The following ANK3 variants were observed in gnomAD, a reference collection of about 807,000 sequenced individuals.
ANK3 encodes ankyrin-3.
Under a neutral mutation model 370.9 loss-of-function variants are expected in ANK3, and 57 were observed. The ratio of observed to expected loss-of-function variants is 0.15; its 90% CI spans 0.12 to 0.19. The LOEUF (loss-of-function observed/expected upper bound fraction) is 0.19, where lower values mean the gene tolerates loss of function less well. ANK3 is among the 10% of genes least tolerant of loss of function. ANK3 has a pLI of 1.00. For missense variants in ANK3, 4,439 were observed against 5,302.1 expected, an observed-to-expected ratio of 0.84 and a Z score of 5.06; for synonymous variants, 1,929 against 1,946.3, an observed-to-expected ratio of 0.99 and a Z score of 0.23.
intron 25 of ANK3, among the ~76,000 whole-genome samples, chr10:60,129,764 C>T (rs1431536700): frequency 6.6e-6 from 1 of 151,968 alleles, no homozygotes; most frequent in Admixed American, 6.5e-5. Flanking sequence ...CACACACACA[C>T]ACACAAACAC....
intron 43 of ANK3, among the ~76,000 whole-genome samples, chr10:60,039,515 C>T (rs1589117652): frequency 6.6e-6 from 1 of 152,098 alleles, no homozygotes; most frequent in South Asian, 2.1e-4. Flanking sequence ...AAGAAATTTA[C>T]GACAGGTTGC....
chr10:60,045,739 G>C (rs2076842448), intron 42 of ANK3, among the ~76,000 whole-genome samples: 1 of 152,182 alleles, frequency 6.6e-6, no homozygotes, highest in African/African-American at 2.4e-5. Flanking sequence ...TTGTGTTACT[G>C]GCATGGAAAA....
chr10:60,086,625 T>C, intron 30 of ANK3, 52 bp downstream of exon 30: 1 of 1,460,606 alleles, frequency 6.8e-7, no homozygotes, highest in Non-Finnish European at 9.4e-7. Flanking sequence ...AATATATCTT[T>C]GTACACAATC....
At chr10:60,630,503 T>C (rs2078467008) in intron 1 of ANK3, among the ~76,000 whole-genome samples, 1 of 152,140 alleles carries the variant, frequency 6.6e-6, no homozygotes, top group Non-Finnish European at 1.5e-5. Flanking sequence ...CAAAGGCAAT[T>C]AAGAAATGTG....
chr10:60,035,098 CTGT>C (rs1564522829), intron 43 of ANK3, among the ~76,000 whole-genome samples: 2 of 151,948 alleles, frequency 1.3e-5, no homozygotes, highest in African/African-American at 2.4e-5. Flanking sequence ...AATTTTATTA[CTGT>C]TATTATTTTT....
chr10:60,444,444 G>GTA lies in ANK3; in HGVS notation c.97-164807_97-164806dup, dbSNP rs372579717. Among the ~76,000 whole-genome samples, 418 of 148,806 alleles carry GTA rather than the reference G, an allele frequency of 2.8e-3. 2 individuals carry two copies. Among genetic ancestry groups the GTA allele is most frequent in the African/African-American group, 4.9e-3 (200 of 40,542 alleles). Reference sequence around the variant, plus strand: ...ATATAACATACGTGTGTGTGTGTGTGTATATATATATATATATATAAAGAC... The same window carrying GTA: ...ATATAACATACGTGTGTGTGTGTGTGTATATATATATATATATATATAAAGAC... On this transcript the variant is annotated intron_variant, in intron 2 of 43. Transcript: ENST00000373827.
At chr10:60,262,523 T>C (rs566207585) in intron 6 of ANK3, among the ~76,000 whole-genome samples, 14 of 152,324 alleles carry the variant, frequency 9.2e-5, no homozygotes, top group African/African-American at 3.1e-4. Context: ...CACATGTTTT[T>C]GGATTGTTCA....
At chr10:60,677,456 G>T (rs1007654102) in intron 1 of ANK3, among the ~76,000 whole-genome samples, 12 of 151,360 alleles carry the variant, frequency 7.9e-5, no homozygotes, top group African/African-American at 2.7e-4. Flanking sequence ...TATGTCAAAA[G>T]AAAATCTTTG....
At chr10:60,100,909 C>T (rs1050323837) in intron 28 of ANK3, among the ~76,000 whole-genome samples, 1 of 152,144 alleles carries the variant, frequency 6.6e-6, no homozygotes, top group African/African-American at 2.4e-5. Context: ...TTTAAATTTC[C>T]TATAGCCACA....
chr10:60,357,662 A>C (rs1219844888), intron 1 of ANK3, among the ~76,000 whole-genome samples: 1 of 152,196 alleles, frequency 6.6e-6, no homozygotes, highest in East Asian at 1.9e-4. Context: ...AGAAGGTCTT[A>C]TAAACTTACT....
chr10:60,277,094 A>G (rs566026940), intron 4 of ANK3, among the ~76,000 whole-genome samples: 1 of 152,204 alleles, frequency 6.6e-6, no homozygotes, highest in Non-Finnish European at 1.5e-5. Context: ...GCAAATATAC[A>G]AGAACCATGC....
chr10:60,381,389 A>G (rs992666022), intron 1 of ANK3, among the ~76,000 whole-genome samples: 4 of 152,196 alleles, frequency 2.6e-5, no homozygotes, highest in African/African-American at 9.6e-5. Flanking sequence ...TAATGAATAG[A>G]AAAATGTATT....
chr10:60,412,363 T>G (rs1354506475), intron 2 of ANK3, among the ~76,000 whole-genome samples: 1 of 152,188 alleles, frequency 6.6e-6, no homozygotes, highest in African/African-American at 2.4e-5. Context: ...CCTGAACTGC[T>G]ACATCCATCT....
intron 25 of ANK3, among the ~76,000 whole-genome samples, chr10:60,117,021 G>A (rs927289541): frequency 2.0e-5 from 3 of 152,164 alleles, no homozygotes; most frequent in Non-Finnish European, 4.4e-5. Context: ...ACAGCAAAAC[G>A]TGAAGGTAAA....
chr10:60,445,608 T>C (rs1054813278), intron 2 of ANK3, among the ~76,000 whole-genome samples: 1 of 151,288 alleles, frequency 6.6e-6, no homozygotes, highest in South Asian at 2.1e-4. Context: ...TGTACAAGTC[T>C]CTCTATCAAA....
rs183819242 is a variant in ANK3 at position 60,367,508 on chromosome 10, C to T, written c.114+21917G>A. Among the ~76,000 whole-genome samples, 34 of 152,280 alleles carry T rather than the reference C, an allele frequency of 2.2e-4. No individual in the cohort carries two copies. The East Asian group carries it at 6.4e-3, about 29-fold the overall frequency. Reference sequence around the variant, plus strand: ...AGAAGGAGGCTTTCACTTTTACATGCCTTGGTTGGCAATTTCCCATTATTA... The same window carrying T: ...AGAAGGAGGCTTTCACTTTTACATGTCTTGGTTGGCAATTTCCCATTATTA... On this transcript the variant is annotated intron_variant, in intron 1 of 43. Coordinates refer to ENST00000280772, the MANE Select transcript of ANK3 (RefSeq NM_020987.5).
At chr10:60,036,306 C>T (rs2074945797) in intron 43 of ANK3, among the ~76,000 whole-genome samples, 1 of 151,942 alleles carries the variant, frequency 6.6e-6, no homozygotes, top group African/African-American at 2.4e-5. Flanking sequence ...TAATCCAAAG[C>T]TCTTCAAGGT....
intron 33 of ANK3, 74 bp from the exon 34 acceptor site, chr10:60,082,811 C>A: frequency 1.3e-6 from 2 of 1,498,858 alleles, no homozygotes; most frequent in South Asian, 1.3e-5. Context: ...AAGAGTTAAG[C>A]ATGGTTGTTT....
intron 1 of ANK3, among the ~76,000 whole-genome samples, chr10:60,693,229 T>A (rs1348197011): frequency 6.6e-6 from 1 of 152,204 alleles, no homozygotes; most frequent in African/African-American, 2.4e-5. Context: ...GGAGATTATA[T>A]CCCGCACCTG....
Sources: gnomAD v4.1 joint callset for allele counts (sites outside exome capture counted in the v4.1 genomes callset) on GRCh38, gnomAD v4.1.1 for gene constraint, MANE v1.5 for transcripts, NCBI Gene and HGNC (gene_info 2026-07-23, HGNC 2026-07-21) for gene names.